Variants in TMC2 observed in about 807,000 individuals in gnomAD.
The protein encoded by TMC2 is transmembrane channel-like protein 2.
Under a neutral mutation model 105.9 loss-of-function variants are expected in TMC2, and 102 were observed. The ratio of observed to expected loss-of-function variants is 0.96; its 90% CI spans 0.82 to 1.14. The LOEUF (loss-of-function observed/expected upper bound fraction) is 1.14. Among genes scored for constraint, TMC2 ranks in the 50% most tolerant of loss-of-function variants. The probability of loss-of-function intolerance (pLI) is 0.00; values close to 1 mark genes in which losing one functional copy is unlikely to be tolerated. For synonymous variants in TMC2, 402 were observed against 422.8 expected, an observed-to-expected ratio of 0.95 and a Z score of 0.60; for missense variants, 1,093 against 1,134.3, an observed-to-expected ratio of 0.96 and a Z score of 0.52.
At position 2,616,338 on chromosome 20, in the gene TMC2, G is replaced by T; in HGVS notation, c.1940+134G>T. On this transcript the variant is annotated intron_variant, in intron 15 of 19. Coordinates refer to ENST00000358864, the MANE Select transcript of TMC2 (RefSeq NM_080751.3). This position sits in a 1 kb window ranked among gnomAD's most constrained non-coding sequence, Gnocchi z 4.8. ...CTCTCTGAACTCCCCTCTTTCACATGAAAAATCAAGAGCGGGACTAGATGA... is the reference window on the plus strand; with the variant it reads ...CTCTCTGAACTCCCCTCTTTCACATTAAAAATCAAGAGCGGGACTAGATGA... The T allele has an allele frequency of 2.8e-6, 2 of 719,192 alleles. No individual in the cohort carries two copies. Among genetic ancestry groups the T allele is most frequent in the Non-Finnish European group, 4.9e-6 (2 of 405,842 alleles). The allele number at this position is 719,192 out of a possible 1,614,324, so 44.6% of individuals were successfully genotyped here.
chr20:2,591,649 A>T (rs2086269237), intron 7 of TMC2, among the ~76,000 whole-genome samples: 1 of 152,142 alleles, frequency 6.6e-6, no homozygotes, highest in Non-Finnish European at 1.5e-5. Flanking sequence ...AAGTTATTGC[A>T]ATGAGCCGAG....
In TMC2 at chr20:2,643,050, C is replaced by T. The variant is rs2086699161; in HGVS notation, c.*1699C>T. On this transcript the variant is annotated 3_prime_UTR_variant, in exon 20 of 20. Transcript: ENST00000358864. Reference sequence around the variant, plus strand: ...TTCTCAATCCAGCACCAAAACTTCACATATATATACAAACTGCAATGGAAT... The same window carrying T: ...TTCTCAATCCAGCACCAAAACTTCATATATATATACAAACTGCAATGGAAT... Among the ~76,000 whole-genome samples, 1 of 152,176 alleles carries T rather than the reference C, an allele frequency of 6.6e-6. No homozygotes were observed. The highest frequency in any genetic ancestry group is 2.1e-4 in the South Asian group (1 of 4,830).
chr20:2,611,399 T>G (rs1444444394), intron 12 of TMC2, among the ~76,000 whole-genome samples: 1 of 152,234 alleles, frequency 6.6e-6, no homozygotes, highest in Non-Finnish European at 1.5e-5. Context: ...CACTCATCTC[T>G]GGCTTCCCTC....
chr20:2,581,919 G>C (rs938420439), intron 7 of TMC2, among the ~76,000 whole-genome samples: 5 of 152,180 alleles, frequency 3.3e-5, no homozygotes, highest in East Asian at 1.9e-4. Flanking sequence ...TCGTGCTAGA[G>C]AACCTTGATT....
At chr20:2,599,127 C>T (rs2086330783) in intron 10 of TMC2, among the ~76,000 whole-genome samples, 1 of 151,938 alleles carries the variant, frequency 6.6e-6, no homozygotes, top group Non-Finnish European at 1.5e-5. Flanking sequence ...GAACTCCTGA[C>T]CTCAAATGAT....
chr20:2,624,234 T>A, intron 16 of TMC2, 37 bp from the exon 17 acceptor site: 1 of 1,603,194 alleles, frequency 6.2e-7, no homozygotes. Context: ...CACAGGCACA[T>A]GGCAGCATGT....
chr20:2,562,476 T>C (rs2086034209), intron 4 of TMC2, among the ~76,000 whole-genome samples: 1 of 152,212 alleles, frequency 6.6e-6, no homozygotes, highest in African/African-American at 2.4e-5. Flanking sequence ...TGAGCCACTG[T>C]CACATCCCCA....
At chr20:2,580,836 CAA>C in intron 7 of TMC2, among the ~76,000 whole-genome samples, 1 of 152,306 alleles carries the variant, frequency 6.6e-6, no homozygotes, top group Non-Finnish European at 1.5e-5. Flanking sequence ...GCAATTTGTG[CAA>C]AGTCACACAA....
rs144361012 is a variant in TMC2, at chr20:2,615,345, C to T, written c.1873-792C>T. On this transcript the variant is annotated intron_variant, in intron 14 of 19. Transcript: ENST00000358864. ...CAATAAATAAACATCCAAGACTTCA[C>T]CCCGTGGACTTAATGTATGCATGTT... 5.9e-5 allele frequency among the ~76,000 whole-genome samples: 9 copies of T among 152,342 alleles called. No individual in the cohort carries two copies. The East Asian group carries it at 1.7e-3, about 29-fold the overall frequency.
intron 4 of TMC2, among the ~76,000 whole-genome samples, chr20:2,564,520 C>T (rs1235324092): frequency 2.6e-5 from 4 of 152,200 alleles, no homozygotes; most frequent in Admixed American, 2.6e-4. Context: ...GCCAGCAGGG[C>T]AGAACAGCCA....
At chr20:2,536,694 G>C (rs1438758696) in intron 1 of TMC2, 39 bp downstream of exon 1, 1 of 1,560,038 alleles carries the variant, frequency 6.4e-7, no homozygotes, top group Admixed American at 1.9e-5. Flanking sequence ...CCGCCCACAG[G>C]GTTCCTGGGC....
intron 14 of TMC2, chr20:2,614,049 C>CA (rs1466675873): frequency 2.0e-5 from 1 of 49,316 alleles, no homozygotes; most frequent in Admixed American, 2.2e-4. Flanking sequence ...GTTTCTGTCA[C>CA]ATTTTTTTTC....
intron 7 of TMC2, among the ~76,000 whole-genome samples, chr20:2,581,624 C>A (rs1055358854): frequency 3.9e-5 from 6 of 152,206 alleles, no homozygotes; most frequent in African/African-American, 1.4e-4. Context: ...CTTCACAAAG[C>A]TCTTGGCTTT....
chr20:2,625,053 A>G (rs1228760641), intron 17 of TMC2, among the ~76,000 whole-genome samples: 2 of 152,206 alleles, frequency 1.3e-5, no homozygotes, highest in Non-Finnish European at 2.9e-5. Flanking sequence ...GTGCCAGCCT[A>G]ATGCCTAGAG....
At chr20:2,537,597 G>A (rs2085858670) in intron 2 of TMC2, among the ~76,000 whole-genome samples, 1 of 152,076 alleles carries the variant, frequency 6.6e-6, no homozygotes, top group African/African-American at 2.4e-5. Flanking sequence ...CCAGACAGAG[G>A]GCAGGGAAGC....
chr20:2,600,168 T>G (rs1390132574), intron 10 of TMC2, among the ~76,000 whole-genome samples: 1 of 152,206 alleles, frequency 6.6e-6, no homozygotes. Flanking sequence ...TTGAAACACT[T>G]TGAACATGTG....
intron 4 of TMC2, among the ~76,000 whole-genome samples, chr20:2,568,163 C>A (rs1242475844): frequency 6.6e-6 from 1 of 152,104 alleles, no homozygotes; most frequent in Non-Finnish European, 1.5e-5. Context: ...GCAGGATAAA[C>A]CCAAAGCAAA....
At chr20:2,543,896 C>A (rs1033330159) in intron 2 of TMC2, among the ~76,000 whole-genome samples, 2 of 139,752 alleles carry the variant, frequency 1.4e-5, no homozygotes, top group Non-Finnish European at 3.0e-5. Context: ...TTTCAACCTG[C>A]ATGTCAGTTT....
chr20:2,636,433 C>G (rs954027703), intron 18 of TMC2, among the ~76,000 whole-genome samples: 3 of 150,912 alleles, frequency 2.0e-5, no homozygotes, highest in Non-Finnish European at 4.4e-5. Context: ...AACATCCCAG[C>G]TGACACCCTA....
Sources: gnomAD v4.1 joint callset for allele counts (sites outside exome capture counted in the v4.1 genomes callset) on GRCh38, gnomAD v4.1.1 for gene constraint, Gnocchi (gnomAD v3.1) non-coding constraint, MANE v1.5 for transcripts, NCBI Gene and HGNC (gene_info 2026-07-23, HGNC 2026-07-21) for gene names.